The following MYRFL variants were observed in gnomAD, a reference collection of about 807,000 sequenced individuals.
The protein encoded by MYRFL is myelin regulatory factor-like protein.
A neutral mutation model predicts 109.4 loss-of-function variants in MYRFL; 88 were observed. That is an observed-to-expected ratio of 0.80 (90% CI 0.68 to 0.96). The LOEUF (loss-of-function observed/expected upper bound fraction) is 0.96. Among genes scored for constraint, MYRFL ranks in the 40% least tolerant of loss-of-function variants. The pLI is 0.00. For synonymous variants in MYRFL, 324 were observed against 320.9 expected, an observed-to-expected ratio of 1.01 and a Z score of -0.10; for missense variants, 957 against 954.9, an observed-to-expected ratio of 1.00 and a Z score of -0.03.
At chr12:69,860,310 A>G (rs921384233) in intron 2 of MYRFL, among the ~76,000 whole-genome samples, 1 of 152,146 alleles carries the variant, frequency 6.6e-6, no homozygotes, top group Non-Finnish European at 1.5e-5. Context: ...ATAGTATTCC[A>G]TGGTGTATAT....
intron 21 of MYRFL, 72 bp from the exon 22 acceptor site, chr12:69,955,291 G>A: frequency 1.8e-6 from 1 of 549,230 alleles, no homozygotes; most frequent in Admixed American, 3.5e-5. Context: ...GGTATATAAT[G>A]AGTAGCAAAA....
intron 19 of MYRFL, among the ~76,000 whole-genome samples, chr12:69,944,692 GAAAA>G (rs201140098): frequency 6.7e-6 from 1 of 149,998 alleles, no homozygotes; most frequent in Non-Finnish European, 1.5e-5. Flanking sequence ...AATAATAAAA[GAAAA>G]AAAAAGAAAA....
At chr12:69,904,740 C>A (rs1463762874) in intron 11 of MYRFL, among the ~76,000 whole-genome samples, 1 of 152,224 alleles carries the variant, frequency 6.6e-6, no homozygotes, top group Non-Finnish European at 1.5e-5. Flanking sequence ...TGCATTGCTT[C>A]TACCACTTCC....
intron 1 of MYRFL, among the ~76,000 whole-genome samples, chr12:69,850,331 G>T (rs1258605755): frequency 6.6e-6 from 1 of 151,584 alleles, no homozygotes; most frequent in East Asian, 1.9e-4. Context: ...TATAAGAAAT[G>T]ATCTTATATG....
intron 16 of MYRFL, among the ~76,000 whole-genome samples, chr12:69,934,591 C>CTGAT (rs1555257886): frequency 1.3e-5 from 2 of 152,136 alleles, no homozygotes; most frequent in Non-Finnish European, 2.9e-5. Flanking sequence ...TGAGGTCACA[C>CTGAT]TGATGATTGA....
chr12:69,883,665 C>A (rs530381464), intron 5 of MYRFL, among the ~76,000 whole-genome samples: 1 of 147,874 alleles, frequency 6.8e-6, no homozygotes, highest in African/African-American at 2.5e-5. Flanking sequence ...AAGTATGAGA[C>A]CAGCCTGGGC....
intron 1 of MYRFL, among the ~76,000 whole-genome samples, chr12:69,843,656 G>A (rs900529557): frequency 3.9e-5 from 6 of 152,200 alleles, no homozygotes; most frequent in African/African-American, 1.4e-4. Flanking sequence ...GGTTGTGTTT[G>A]TAGTACTCCC....
chr12:69,855,168 T>G, intron 1 of MYRFL, 112 bp from the exon 2 acceptor site: 1 of 537,896 alleles, frequency 1.9e-6, no homozygotes, highest in Non-Finnish European at 3.3e-6. Context: ...TTGATCCTTG[T>G]GGATACAATA....
At position 69,956,678 on chromosome 12, in the gene MYRFL, G is replaced by A. The variant is rs181643016; in HGVS notation, c.2451-1144G>A. Among the ~76,000 whole-genome samples, 87 of 151,156 alleles carry A rather than the reference G, an allele frequency of 5.8e-4. 1 individual carries two copies. Among genetic ancestry groups the A allele is most frequent in the Non-Finnish European group, 8.3e-4 (56 of 67,866 alleles). ...CCGCACGCCTTCTGCCTCTTCCTCC[G>A]TCTTATTCAGTCTTCATACTCTTTT... On this transcript the variant is annotated intron_variant, in intron 22 of 24. Transcript: ENST00000552032.
At chr12:69,852,231 G>A (rs1057431360) in intron 1 of MYRFL, among the ~76,000 whole-genome samples, 1 of 152,166 alleles carries the variant, frequency 6.6e-6, no homozygotes, top group African/African-American at 2.4e-5. Flanking sequence ...ATAATGTGTA[G>A]TAAGGTTTTT....
At chr12:69,949,448 G>A (rs1468894074) in intron 19 of MYRFL, among the ~76,000 whole-genome samples, 2 of 152,018 alleles carry the variant, frequency 1.3e-5, no homozygotes, top group African/African-American at 4.8e-5. Flanking sequence ...CCACTCCCTG[G>A]GCTCCCTCCC....
At chr12:69,921,454 T>C (rs569729253) in intron 13 of MYRFL, among the ~76,000 whole-genome samples, 210 of 152,306 alleles carry the variant, frequency 1.4e-3, no homozygotes, top group Middle Eastern at 6.8e-3. Flanking sequence ...ACCTAATCAC[T>C]TGCATAGAAA....
At chr12:69,913,827 C>A (rs60013125) in intron 13 of MYRFL, among the ~76,000 whole-genome samples, 2,543 of 152,230 alleles carry the variant, frequency 0.017, 76 homozygotes, top group African/African-American at 0.058. Context: ...CTTTCTATTT[C>A]TGCAAAAGAC....
intron 5 of MYRFL, among the ~76,000 whole-genome samples, chr12:69,886,548 A>C (rs1282387639): frequency 6.6e-6 from 1 of 152,192 alleles, no homozygotes; most frequent in Non-Finnish European, 1.5e-5. Flanking sequence ...ACTGAAAGTG[A>C]GGAGAAGCTA....
At chr12:69,860,735 T>A (rs1884600993) in intron 2 of MYRFL, among the ~76,000 whole-genome samples, 1 of 152,062 alleles carries the variant, frequency 6.6e-6, no homozygotes, top group Admixed American at 6.6e-5. Flanking sequence ...ATTTATTTTC[T>A]TTTTTTATTT....
chr12:69,952,455 G>A (rs1956002459), intron 20 of MYRFL, among the ~76,000 whole-genome samples: 1 of 152,152 alleles, frequency 6.6e-6, no homozygotes, highest in Non-Finnish European at 1.5e-5. Flanking sequence ...TTTTTAGTTT[G>A]TCTTCTGTTT....
intron 2 of MYRFL, among the ~76,000 whole-genome samples, chr12:69,858,646 A>AT (rs1287501162): frequency 1.3e-5 from 2 of 151,862 alleles, no homozygotes; most frequent in Non-Finnish European, 2.9e-5. Context: ...TATTCATAGT[A>AT]TTTTTTATTA....
rs1481461388 is a variant in MYRFL, at chr12:69,936,355, C to G, written c.2044+20C>G. 5 of 1,535,476 alleles carry G rather than the reference C, an allele frequency of 3.3e-6. No homozygotes were observed. The highest frequency in any genetic ancestry group is 3.5e-6 in the Non-Finnish European group (4 of 1,146,630). ...CCTCAGGTAAAGGCTTCACATTCCTCACCCTCAAACCCGGTTTCAAGTGAA... is the reference window on the plus strand; with the variant it reads ...CCTCAGGTAAAGGCTTCACATTCCTGACCCTCAAACCCGGTTTCAAGTGAA... On this transcript the variant is annotated intron_variant, in intron 18 of 24. Transcript: ENST00000552032.
chr12:69,914,025 G>A (rs1372303472), intron 13 of MYRFL, among the ~76,000 whole-genome samples: 1 of 152,124 alleles, frequency 6.6e-6, no homozygotes, highest in African/African-American at 2.4e-5. Flanking sequence ...ATGTTGCTTA[G>A]TTAATTCACA....
Sources: allele counts gnomAD v4.1 joint callset (sites outside exome capture counted in the v4.1 genomes callset), GRCh38; gene constraint gnomAD v4.1.1; transcripts MANE v1.5; gene names NCBI Gene and HGNC (gene_info 2026-07-23, HGNC 2026-07-21).